Variants in RBFOX3 observed in about 807,000 individuals in gnomAD.
RBFOX3 encodes the protein RNA binding protein fox-1 homolog 3.
Under a neutral mutation model 48.7 loss-of-function variants are expected in RBFOX3, and 17 were observed. The ratio of observed to expected loss-of-function variants is 0.35; its 90% CI spans 0.24 to 0.52. The LOEUF is 0.52. Among genes scored for constraint, RBFOX3 ranks in the 20% least tolerant of loss-of-function variants. RBFOX3 has a pLI of 0.94. For synonymous variants in RBFOX3, 212 were observed against 209.5 expected (o/e 1.01, Z -0.10); for missense variants, 382 against 497.5 (o/e 0.77, Z 2.21).
At chr17:79,321,549 G>C (rs902143315) in intron 2 of RBFOX3, among the ~76,000 whole-genome samples, 3 of 152,104 alleles carry the variant, frequency 2.0e-5, no homozygotes, top group Non-Finnish European at 4.4e-5. Context: ...GGTGATGTGG[G>C]AGCTCTACCA....
At chr17:79,094,404 A>C in intron 14 of RBFOX3, 47 bp downstream of exon 14, 1 of 1,398,344 alleles carries the variant, frequency 7.2e-7, no homozygotes, top group Non-Finnish European at 9.6e-7. Context: ...ACCCATGCCC[A>C]GCTGTTAGGA....
In RBFOX3 at chr17:79,101,623, C is replaced by G; in HGVS notation, c.529G>C (p.Val177Leu). The G allele has an allele frequency of 6.4e-7, 1 of 1,551,318 alleles. No homozygotes were observed. ...TTCCCCGTCTTCTTGTTGGTCATCACTCGGGCCGTGGCATTATTGACCTGT... is the reference window on the plus strand; with the variant it reads ...TTCCCCGTCTTCTTGTTGGTCATCAGTCGGGCCGTGGCATTATTGACCTGT... ...KIEVNNATAR[V>L]MTNKKTGNPY... Residue 177 changes from valine to leucine, a missense_variant, in exon 9 of 15, where the codon GTG becomes CTG. By Grantham distance (32) the Val-to-Leu change is conservative (BLOSUM62 1). This residue lies in a region of RBFOX3 where 215 missense variants were observed against 254.8 expected (regional missense o/e 0.84). Coordinates refer to ENST00000693108, the MANE Select transcript of RBFOX3 (RefSeq NM_001350451.2).
Position 79,471,888 on chromosome 17 carries a change from C to G in RBFOX3, c.-175+10566G>C, listed in dbSNP as rs1555757242. On this transcript the variant is annotated intron_variant, in intron 2 of 14. Transcript: ENST00000693108. This position sits in a 1 kb window ranked among gnomAD's most constrained non-coding sequence, Gnocchi z 4.0. ...CACTTCAAGAGAGGCGACTAAATCT[C>G]CACCAAGCACATTATATCAAATACG... Among the ~76,000 whole-genome samples, 3 of 152,194 alleles carry G rather than the reference C, an allele frequency of 2.0e-5. No individual in the cohort carries two copies. Among genetic ancestry groups the G allele is most frequent in the African/African-American group, 7.2e-5 (3 of 41,430 alleles).
chr17:79,545,099 C>T (rs80103041), intron 1 of RBFOX3, among the ~76,000 whole-genome samples: 4,007 of 152,036 alleles, frequency 0.026, 183 homozygotes, highest in African/African-American at 0.093. Context: ...AGGGGGCAGA[C>T]GGGGCCGCTC....
At chr17:79,386,538 T>C (rs1329219966) in intron 2 of RBFOX3, among the ~76,000 whole-genome samples, 1 of 152,226 alleles carries the variant, frequency 6.6e-6, no homozygotes, top group Middle Eastern at 3.2e-3. Flanking sequence ...ACTATCACCA[T>C]GATGTCAGTG....
At chr17:79,662,705 G>A in the RBFOX3 span, among the ~76,000 whole-genome samples, 1 of 152,214 alleles carries the variant, frequency 6.6e-6, no homozygotes, top group African/African-American at 2.4e-5. Flanking sequence ...ATGGTAACAA[G>A]TCTGGGTGTT....
intron 2 of RBFOX3, among the ~76,000 whole-genome samples, chr17:79,462,515 G>T (rs541994654): frequency 6.6e-6 from 1 of 152,304 alleles, no homozygotes; most frequent in African/African-American, 2.4e-5. Flanking sequence ...GCTCTCAACT[G>T]GGGGCAAGTG....
At chr17:79,414,183 C>T (rs570005615) in intron 2 of RBFOX3, among the ~76,000 whole-genome samples, 1 of 152,234 alleles carries the variant, frequency 6.6e-6, no homozygotes, top group South Asian at 2.1e-4. Context: ...CTGTCCATAT[C>T]AGGGACTTGC....
chr17:79,548,042 AC>A (rs2090697234), intron 1 of RBFOX3, among the ~76,000 whole-genome samples: 1 of 152,102 alleles, frequency 6.6e-6, no homozygotes, highest in Non-Finnish European at 1.5e-5. Flanking sequence ...TCCTGTCTCC[AC>A]CCATTTCCTC....
the RBFOX3 span, among the ~76,000 whole-genome samples, chr17:79,661,092 A>G: frequency 6.6e-6 from 1 of 152,160 alleles, no homozygotes; most frequent in Non-Finnish European, 1.5e-5. Flanking sequence ...ACATGGACAC[A>G]GGGTTGGGGG....
At chr17:79,619,820 G>C in the RBFOX3 span, among the ~76,000 whole-genome samples, 1 of 152,104 alleles carries the variant, frequency 6.6e-6, no homozygotes, top group Admixed American at 6.5e-5. Flanking sequence ...AGCCCTGGGG[G>C]AGCCTCCTCT....
At chr17:79,099,124 C>G (rs1568124250) in intron 9 of RBFOX3, 1 of 152,336 alleles carries the variant, frequency 6.6e-6, no homozygotes, top group Non-Finnish European at 1.5e-5. Flanking sequence ...AAGGAAGAAA[C>G]TTTTTTTGGG....
At chr17:79,521,072 C>T (rs1023413681) in intron 1 of RBFOX3, among the ~76,000 whole-genome samples, 39 of 152,280 alleles carry the variant, frequency 2.6e-4, no homozygotes, top group African/African-American at 9.1e-4. Flanking sequence ...CCGGAAGACA[C>T]GCAAAGAGGA....
the RBFOX3 span, among the ~76,000 whole-genome samples, chr17:79,664,206 A>C: frequency 6.7e-6 from 1 of 149,928 alleles, no homozygotes; most frequent in South Asian, 2.1e-4. Context: ...ATGGAGCCTC[A>C]CTCTGTTGCC....
At chr17:79,534,910 C>T (rs531140837) in intron 1 of RBFOX3, among the ~76,000 whole-genome samples, 171 of 152,270 alleles carry the variant, frequency 1.1e-3, no homozygotes, top group African/African-American at 3.8e-3. Context: ...AGAGACTGGG[C>T]CCACAGAGAC....
At chr17:79,476,055 C>T (rs1273756703) in intron 2 of RBFOX3, among the ~76,000 whole-genome samples, 1 of 152,232 alleles carries the variant, frequency 6.6e-6, no homozygotes. Context: ...GGGGGCTGCA[C>T]CTGACACCCT....
At chr17:79,389,950 G>A (rs1001295335) in intron 2 of RBFOX3, among the ~76,000 whole-genome samples, 21 of 152,000 alleles carry the variant, frequency 1.4e-4, no homozygotes, top group Admixed American at 9.8e-4. Flanking sequence ...CCAGGTCTCC[G>A]CAGCCTCCAG....
intron 1 of RBFOX3, among the ~76,000 whole-genome samples, chr17:79,550,826 AGCTG>A (rs1257583201): frequency 6.6e-6 from 1 of 152,158 alleles, no homozygotes; most frequent in African/African-American, 2.4e-5. Flanking sequence ...ATGGACAGAC[AGCTG>A]GATGATACTC....
At chr17:79,264,988 G>T (rs575729086) in intron 3 of RBFOX3, among the ~76,000 whole-genome samples, 2 of 151,980 alleles carry the variant, frequency 1.3e-5, no homozygotes, top group South Asian at 4.2e-4. Flanking sequence ...GCAGATTTGT[G>T]GCGATCATAA....
Sources: gnomAD v4.1 joint callset for allele counts (sites outside exome capture counted in the v4.1 genomes callset) on GRCh38, gnomAD v4.1.1 for gene constraint, gnomAD v4.1.1 regional missense constraint, Gnocchi (gnomAD v3.1) non-coding constraint, MANE v1.5 for transcripts, NCBI Gene and HGNC (gene_info 2026-07-23, HGNC 2026-07-21) for gene names.